The following ZNF609 variants were observed in gnomAD, a reference collection of about 807,000 sequenced individuals.
ZNF609 encodes the protein zinc finger protein 609.
Under a neutral mutation model 109.5 loss-of-function variants are expected in ZNF609, and 11 were observed. The observed-to-expected ratio is 0.10, with a 90% CI of 0.06 to 0.17. The LOEUF (loss-of-function observed/expected upper bound fraction) is 0.17. ZNF609 is among the 10% of genes least tolerant of loss of function. The pLI is 1.00. For synonymous variants in ZNF609, 646 were observed against 662.0 expected (o/e 0.98, Z 0.37); for missense variants, 1,559 against 1,772.4 (o/e 0.88, Z 2.16).
rs542937979 is a variant in ZNF609 at position 64,612,769 on chromosome 15, C to T, written c.748-10058C>T. On this transcript the variant is annotated intron_variant, in intron 2 of 9. Transcript: ENST00000326648. ...GTGGCTCATGCCTGTAATCCCAGTA[C>T]TTTGGGAGGCCAAGGCCAGCGGTTC... 3.9e-5 allele frequency among the ~76,000 whole-genome samples: 6 copies of T among 152,004 alleles called. No homozygotes were observed. In the South Asian group the frequency reaches 1.0e-3, roughly 26 times the overall value.
intron 2 of ZNF609, among the ~76,000 whole-genome samples, chr15:64,513,452 C>G (rs181964400): frequency 4.3e-4 from 65 of 152,290 alleles, no homozygotes; most frequent in Non-Finnish European, 7.9e-4. Context: ...GAAATTCTTT[C>G]ATTTTTGTTT....
chr15:64,670,978 G>C (rs1228488257), intron 4 of ZNF609, among the ~76,000 whole-genome samples: 3 of 151,726 alleles, frequency 2.0e-5, no homozygotes, highest in African/African-American at 7.3e-5. Context: ...GGGAGGCCAA[G>C]GCGGGTGGAT....
At position 64,556,003 on chromosome 15, in the gene ZNF609, T is replaced by G. The variant is rs575036050; in HGVS notation, c.747+55837T>G. 5.1e-3 allele frequency among the ~76,000 whole-genome samples: 769 copies of G among 151,632 alleles called. 2 individuals carry two copies. The highest frequency in any genetic ancestry group is 6.2e-3 in the Non-Finnish European group (420 of 67,860). On this transcript the variant is annotated intron_variant, in intron 2 of 9. Coordinates refer to ENST00000326648, the MANE Select transcript of ZNF609 (RefSeq NM_015042.2). Reference sequence around the variant, plus strand: ...CGCAATAACTACCTTTTTTTTTTTTTTAGTTGGAGACAGGGTCTCTCTCTG... The same window carrying G: ...CGCAATAACTACCTTTTTTTTTTTTGTAGTTGGAGACAGGGTCTCTCTCTG...
chr15:64,598,080 G>A (rs1364986529), intron 2 of ZNF609, among the ~76,000 whole-genome samples: 1 of 152,116 alleles, frequency 6.6e-6, no homozygotes, highest in East Asian at 1.9e-4. Flanking sequence ...AGACATGATG[G>A]CTAGAACATC....
At chr15:64,466,089 C>T (rs1421096241) in intron 1 of ZNF609, among the ~76,000 whole-genome samples, 1 of 117,292 alleles carries the variant, frequency 8.5e-6, no homozygotes, top group Non-Finnish European at 1.6e-5. Flanking sequence ...GCACTCCAGC[C>T]TGGTCAACAA....
chr15:64,549,530 A>T (rs759634838), intron 2 of ZNF609, among the ~76,000 whole-genome samples: 4 of 152,194 alleles, frequency 2.6e-5, no homozygotes, highest in Non-Finnish European at 4.4e-5. Flanking sequence ...TTAATGATGT[A>T]GGTACTATTA....
intron 3 of ZNF609, among the ~76,000 whole-genome samples, chr15:64,659,051 C>A (rs1896535986): frequency 6.6e-6 from 1 of 152,108 alleles, no homozygotes; most frequent in South Asian, 2.1e-4. Flanking sequence ...CTCAGCCTCC[C>A]AAAGTTGTGC....
intron 2 of ZNF609, among the ~76,000 whole-genome samples, chr15:64,551,621 C>T (rs1894477694): frequency 1.4e-5 from 2 of 140,220 alleles, no homozygotes; most frequent in South Asian, 2.4e-4. Context: ...CACTGCACTC[C>T]AGCCTGGGCA....
At chr15:64,637,925 C>T (rs1896198141) in intron 3 of ZNF609, among the ~76,000 whole-genome samples, 1 of 144,924 alleles carries the variant, frequency 6.9e-6, no homozygotes, top group African/African-American at 2.5e-5. Context: ...GCTTTCTGTG[C>T]CCTGTTTAAC....
At chr15:64,607,149 AT>A (rs1306356417) in intron 2 of ZNF609, among the ~76,000 whole-genome samples, 4 of 145,102 alleles carry the variant, frequency 2.8e-5, no homozygotes, top group Non-Finnish European at 4.5e-5. Flanking sequence ...CATAAAAAAA[AT>A]AAATAAATAA....
In ZNF609 at chr15:64,576,302, G is replaced by A. The variant is rs1057314789; in HGVS notation, c.748-46525G>A. 3.3e-5 allele frequency among the ~76,000 whole-genome samples: 5 copies of A among 151,986 alleles called. No homozygotes were observed. In the South Asian group the frequency reaches 1.0e-3, roughly 31 times the overall value. On this transcript the variant is annotated intron_variant, in intron 2 of 9. Transcript: ENST00000326648. ...ATAATCTTTTATTCAGTGTCTACTT[G>A]CTGCCAGTTTCATGAGGCTTTCTTT...
At chr15:64,461,048 C>T (rs1459069184) in intron 1 of ZNF609, among the ~76,000 whole-genome samples, 3 of 104,988 alleles carry the variant, frequency 2.9e-5, no homozygotes, top group Non-Finnish European at 3.9e-5. Flanking sequence ...TCGAGGGGCG[C>T]GGGGTGAAGT....
At chr15:64,487,293 T>A (rs1377283774) in intron 1 of ZNF609, among the ~76,000 whole-genome samples, 2 of 152,240 alleles carry the variant, frequency 1.3e-5, no homozygotes, top group Non-Finnish European at 2.9e-5. Flanking sequence ...ATTAATGGCA[T>A]GATTCCCTTT....
chr15:64,576,078 G>A (rs796459884), intron 2 of ZNF609, among the ~76,000 whole-genome samples: 1 of 152,116 alleles, frequency 6.6e-6, no homozygotes, highest in Non-Finnish European at 1.5e-5. Flanking sequence ...CTCCAGCCTG[G>A]GCGACAGAGC....
chr15:64,551,667 AAGAG>A (rs935453127), intron 2 of ZNF609, among the ~76,000 whole-genome samples: 2 of 149,076 alleles, frequency 1.3e-5, no homozygotes, highest in African/African-American at 4.9e-5. Flanking sequence ...AAAAAAAAAA[AAGAG>A]AGAAAAGTAG....
At chr15:64,504,215 C>G (rs558587381) in intron 2 of ZNF609, among the ~76,000 whole-genome samples, 13 of 152,240 alleles carry the variant, frequency 8.5e-5, no homozygotes, top group African/African-American at 3.1e-4. Context: ...TTTTTTCATT[C>G]AGAAACTCTG....
intron 2 of ZNF609, among the ~76,000 whole-genome samples, chr15:64,579,843 G>A (rs776992679): frequency 5.3e-5 from 8 of 152,138 alleles, no homozygotes; most frequent in Non-Finnish European, 7.3e-5. Flanking sequence ...TTTTAAGTCA[G>A]ATATGAGAAA....
rs1268398835 is a variant in ZNF609 at position 64,674,857 on chromosome 15, TCTA to T, written c.2005_2007del (p.Tyr669del). ...GCCCCTGCCATCCCCCCACAGCAAATCTACACCTTCCAGACAGCCACCTTCACA... is the reference window on the plus strand; with the variant it reads ...GCCCCTGCCATCCCCCCACAGCAAATCACCTTCCAGACAGCCACCTTCACA... On this transcript the variant is annotated inframe_deletion, in exon 5 of 10. Coordinates refer to ENST00000326648, the MANE Select transcript of ZNF609 (RefSeq NM_015042.2). 1 of 1,613,928 alleles carries T rather than the reference TCTA, an allele frequency of 6.2e-7. No homozygotes were observed. The highest frequency in any genetic ancestry group is 1.7e-5 in the Admixed American group (1 of 59,996).
At chr15:64,571,927 G>C (rs1050510033) in intron 2 of ZNF609, among the ~76,000 whole-genome samples, 2 of 152,130 alleles carry the variant, frequency 1.3e-5, no homozygotes, top group Non-Finnish European at 2.9e-5. Context: ...CAAAGTGCTG[G>C]TATTACAGGT....
Sources: allele counts gnomAD v4.1 joint callset (sites outside exome capture counted in the v4.1 genomes callset), GRCh38; gene constraint gnomAD v4.1.1; transcripts MANE v1.5; gene names NCBI Gene and HGNC (gene_info 2026-07-23, HGNC 2026-07-21).